KCMF1: variants seen among roughly 807,000 people sequenced by gnomAD.
The protein encoded by KCMF1 is E3 ubiquitin-protein ligase KCMF1.
A neutral mutation model predicts 41.1 loss-of-function variants in KCMF1; 3 were observed. That is an observed-to-expected ratio of 0.07 (90% confidence interval 0.03 to 0.19). The LOEUF (loss-of-function observed/expected upper bound fraction) is 0.19, where lower values mean the gene tolerates loss of function less well. Ranked by LOEUF, KCMF1 falls within the 10% of genes least tolerant of loss-of-function variation. The probability of loss-of-function intolerance (pLI) is 1.00; values close to 1 mark genes in which losing one functional copy is unlikely to be tolerated. For synonymous variants in KCMF1, 142 were observed against 164.5 expected, an observed-to-expected ratio of 0.86 and a Z score of 1.04; for missense variants, 286 against 488.9, an observed-to-expected ratio of 0.58 and a Z score of 3.91.
chr2:85,000,328 T>C (rs1427631523), intron 1 of KCMF1, among the ~76,000 whole-genome samples: 1 of 133,096 alleles, frequency 7.5e-6, no homozygotes, highest in Non-Finnish European at 1.6e-5. Flanking sequence ...TTTCACCGTG[T>C]TAGCCAGGAT....
intron 1 of KCMF1, among the ~76,000 whole-genome samples, chr2:84,985,850 C>T (rs1448481120): frequency 6.6e-6 from 1 of 151,836 alleles, no homozygotes; most frequent in Non-Finnish European, 1.5e-5. Context: ...ACCCTTGGGC[C>T]TAGAAACTAG....
At chr2:85,023,827 A>G (rs538509356) in intron 1 of KCMF1, among the ~76,000 whole-genome samples, 6 of 152,358 alleles carry the variant, frequency 3.9e-5, no homozygotes, top group African/African-American at 1.4e-4. Flanking sequence ...TCCTACCAGC[A>G]GGGTATAAGC....
chr2:84,974,687 A>ATG (rs1559123096), intron 1 of KCMF1, among the ~76,000 whole-genome samples: 1 of 35,468 alleles, frequency 2.8e-5, no homozygotes, highest in South Asian at 1.5e-3. Context: ...ATATATATAT[A>ATG]TATATTTTTT....
intron 1 of KCMF1, among the ~76,000 whole-genome samples, chr2:84,976,331 C>G (rs902508852): frequency 6.6e-6 from 1 of 151,792 alleles, no homozygotes; most frequent in African/African-American, 2.4e-5. Context: ...CTCAGCCTCC[C>G]GAGTAGCTCG....
intron 4 of KCMF1, among the ~76,000 whole-genome samples, chr2:85,045,755 A>C (rs141308999): frequency 6.6e-6 from 1 of 152,272 alleles, no homozygotes; most frequent in African/African-American, 2.4e-5. Flanking sequence ...GCTTGAAGAC[A>C]GAGTAAAACT....
intron 1 of KCMF1, among the ~76,000 whole-genome samples, chr2:84,997,134 C>T (rs868692563): frequency 7.9e-5 from 12 of 152,142 alleles, no homozygotes; most frequent in African/African-American, 2.9e-4. Context: ...ATGACTATAC[C>T]TAGCGTGACA....
intron 3 of KCMF1, among the ~76,000 whole-genome samples, chr2:85,035,400 T>C (rs937679769): frequency 6.6e-6 from 1 of 152,234 alleles, no homozygotes; most frequent in African/African-American, 2.4e-5. Context: ...GCATGGAGTC[T>C]TGACCAAATT....
intron 1 of KCMF1, among the ~76,000 whole-genome samples, chr2:85,008,455 T>A (rs1216666975): frequency 8.3e-6 from 1 of 120,884 alleles, no homozygotes; most frequent in Non-Finnish European, 1.8e-5. Flanking sequence ...ATATCTGAGA[T>A]ATATGTTACA....
chr2:85,007,660 G>A (rs1443329482), intron 1 of KCMF1, among the ~76,000 whole-genome samples: 1 of 152,156 alleles, frequency 6.6e-6, no homozygotes, highest in East Asian at 1.9e-4. Flanking sequence ...TAAGATACGG[G>A]GACTGGGCCC....
intron 1 of KCMF1, among the ~76,000 whole-genome samples, chr2:85,026,386 C>G (rs889473375): frequency 2.0e-5 from 3 of 151,190 alleles, no homozygotes; most frequent in Admixed American, 6.6e-5. Context: ...GCCCTCTTGT[C>G]TTAGCCTCCC....
chr2:85,027,581 A>T (rs1305318839), intron 1 of KCMF1, among the ~76,000 whole-genome samples: 1 of 151,400 alleles, frequency 6.6e-6, no homozygotes. Context: ...CAACATGTTG[A>T]CCAGGCTGGT....
chr2:85,031,914 AT>A (rs1675283097), intron 2 of KCMF1, among the ~76,000 whole-genome samples: 1 of 152,038 alleles, frequency 6.6e-6, no homozygotes, highest in Non-Finnish European at 1.5e-5. Context: ...TGAATTTTTA[AT>A]TTTTTGTAGA....
At chr2:85,008,151 C>G (rs1258874533) in intron 1 of KCMF1, among the ~76,000 whole-genome samples, 2 of 148,962 alleles carry the variant, frequency 1.3e-5, no homozygotes, top group Admixed American at 6.9e-5. Flanking sequence ...TGAGGTTCCT[C>G]TGAGCCTCTG....
chr2:85,043,629 T>G lies in KCMF1; in HGVS notation c.390T>G (p.Ala130=). ...ATCATGTCACGGATGACTTTGCAGC[T>G]CATCTTACACTTGAACACAGAGCCC... ...DPNHVTDDFA[A]HLTLEHRAPR... Residue 130 remains alanine (A), a synonymous_variant, in exon 4 of 7, where the codon GCT becomes GCG. Transcript: ENST00000409785. 1.2e-6 allele frequency: 2 copies of G among 1,612,610 alleles called. No homozygotes were observed. Among genetic ancestry groups the G allele is most frequent in the Non-Finnish European group, 1.7e-6 (2 of 1,178,840 alleles).
At chr2:85,016,434 TA>T (rs71890895) in intron 1 of KCMF1, among the ~76,000 whole-genome samples, 4 of 150,570 alleles carry the variant, frequency 2.7e-5, no homozygotes, top group Admixed American at 6.6e-5. Flanking sequence ...GAAAGCTCTC[TA>T]AAAAAAAACA....
intron 4 of KCMF1, 81 bp from the exon 5 acceptor site, chr2:85,046,021 CTT>C (rs1487906247): frequency 5.3e-6 from 6 of 1,127,124 alleles, no homozygotes; most frequent in Non-Finnish European, 7.5e-6. Flanking sequence ...TTCAGGAAAT[CTT>C]TACATCTGTC....
chr2:84,996,837 G>A (rs541887161), intron 1 of KCMF1, among the ~76,000 whole-genome samples: 8 of 152,222 alleles, frequency 5.3e-5, no homozygotes, highest in Admixed American at 3.9e-4. Context: ...AGGGATACGT[G>A]CTGAGAAATG....
chr2:85,009,862 C>T (rs1674611900), intron 1 of KCMF1, among the ~76,000 whole-genome samples: 1 of 152,206 alleles, frequency 6.6e-6, no homozygotes, highest in Admixed American at 6.5e-5. Context: ...TTAACTGCTT[C>T]TTAAAGACCT....
At chr2:85,032,141 T>G (rs1675291542) in intron 2 of KCMF1, among the ~76,000 whole-genome samples, 1 of 152,070 alleles carries the variant, frequency 6.6e-6, no homozygotes, top group Non-Finnish European at 1.5e-5. Context: ...AACTTGTTTA[T>G]TCATTCCAAG....
Sources: allele counts gnomAD v4.1 joint callset (sites outside exome capture counted in the v4.1 genomes callset), GRCh38; gene constraint gnomAD v4.1.1; transcripts MANE v1.5; gene names NCBI Gene and HGNC (gene_info 2026-07-23, HGNC 2026-07-21).